NVL: variants seen among roughly 807,000 people sequenced by gnomAD.
The protein encoded by NVL is nuclear valosin-containing protein-like.
Under a neutral mutation model 110.2 loss-of-function variants are expected in NVL, and 84 were observed. The observed-to-expected ratio is 0.76, with a 90% CI of 0.64 to 0.91. The LOEUF (loss-of-function observed/expected upper bound fraction) is 0.91. Among genes scored for constraint, NVL ranks in the 40% least tolerant of loss-of-function variants. NVL has a pLI of 0.00. For missense variants in NVL, 882 were observed against 1,035.9 expected (o/e 0.85, Z 2.04); for synonymous variants, 354 against 361.1 (o/e 0.98, Z 0.22).
intron 19 of NVL, among the ~76,000 whole-genome samples, chr1:224,249,974 G>A (rs1013324849): frequency 3.3e-5 from 5 of 152,024 alleles, no homozygotes; most frequent in African/African-American, 9.7e-5. Flanking sequence ...GGTTCACCTC[G>A]CCCTCCCAAA....
In NVL at chr1:224,284,765, G is replaced by A. The variant is rs964617971; in HGVS notation, c.1899+1261C>T. Among the ~76,000 whole-genome samples the A allele has an allele frequency of 2.0e-5, 3 of 152,116 alleles. No homozygotes were observed. In the East Asian group the frequency reaches 5.8e-4, roughly 29 times the overall value. ...TAAATTGTCCACTATTAAGAGCAAT[G>A]TTCATGGCCATCACTAGTTTAAGGT... is the stretch of plus-strand genomic sequence containing the variant. On this transcript the variant is annotated intron_variant, in intron 15 of 22. Transcript: ENST00000281701.
Position 224,304,777 on chromosome 1 carries a change from C to T in NVL, c.784G>A (p.Val262Met), listed in dbSNP as rs202032588. ...ARGLEFQISN[V>M]KFEDVGGNDM... ...TTGCCTCCCACATCTTCAAACTTCACGTTGGAGATCTGGAATTCTAACCCC... is the reference window on the plus strand; with the variant it reads ...TTGCCTCCCACATCTTCAAACTTCATGTTGGAGATCTGGAATTCTAACCCC... Residue 262 changes from valine to methionine, a missense_variant, in exon 8 of 23, where the codon GTG becomes ATG. This residue lies in a region of NVL where 416 missense variants were observed against 499.3 expected (regional missense o/e 0.83). Coordinates refer to ENST00000281701, the MANE Select transcript of NVL (RefSeq NM_002533.4). 61 of 1,613,976 alleles carry T rather than the reference C, an allele frequency of 3.8e-5. 1 individual carries two copies. In the Admixed American group the frequency reaches 8.0e-4, roughly 21 times the overall value.
intron 16 of NVL, among the ~76,000 whole-genome samples, chr1:224,278,768 T>A (rs1413491412): frequency 6.6e-6 from 1 of 152,202 alleles, no homozygotes; most frequent in Non-Finnish European, 1.5e-5. Context: ...GATGTTGCTC[T>A]GTTGCCTAGG....
intron 10 of NVL, among the ~76,000 whole-genome samples, chr1:224,296,840 C>T (rs903370001): frequency 2.0e-5 from 3 of 152,140 alleles, no homozygotes; most frequent in Non-Finnish European, 4.4e-5. Flanking sequence ...GATAGGGTAA[C>T]ACATTTATAG....
chr1:224,297,508 A>T (rs1278718402), intron 10 of NVL: 3 of 152,276 alleles, frequency 2.0e-5, no homozygotes, highest in Non-Finnish European at 4.4e-5. Context: ...GTCTGGGAAC[A>T]TGAAGACATT....
chr1:224,306,598 G>A (rs936826107), intron 6 of NVL, among the ~76,000 whole-genome samples: 1 of 152,160 alleles, frequency 6.6e-6, no homozygotes, highest in Non-Finnish European at 1.5e-5. Context: ...GATTCAGGCT[G>A]AGGTGGGTGG....
At chr1:224,269,733 T>G in intron 17 of NVL, 1 of 151,714 alleles carries the variant, frequency 6.6e-6, no homozygotes, top group Non-Finnish European at 1.5e-5. Flanking sequence ...TGGGCTTACC[T>G]CATTTCTTTC....
At chr1:224,251,619 G>A (rs1038172307) in intron 18 of NVL, among the ~76,000 whole-genome samples, 12 of 152,114 alleles carry the variant, frequency 7.9e-5, no homozygotes, top group Admixed American at 7.2e-4. Context: ...CAGCCTGGGC[G>A]ACAGAGCAAG....
chr1:224,301,433 G>GA (rs1054453869), intron 9 of NVL, among the ~76,000 whole-genome samples: 2 of 152,082 alleles, frequency 1.3e-5, no homozygotes, highest in African/African-American at 4.8e-5. Flanking sequence ...CTGCTAAGGA[G>GA]AAAATAGCAA....
At position 224,304,641 on chromosome 1, in the gene NVL, C is replaced by T. The variant is rs113679093; in HGVS notation, c.825+95G>A. On this transcript the variant is annotated intron_variant, in intron 8 of 22. Coordinates refer to ENST00000281701, the MANE Select transcript of NVL (RefSeq NM_002533.4). Reference sequence around the variant, plus strand: ...TCAACCTTCCCAGTTTCCTTTTCTACACCCAGATCATATTAGAAACAAAGA... The same window carrying T: ...TCAACCTTCCCAGTTTCCTTTTCTATACCCAGATCATATTAGAAACAAAGA... 3,121 of 1,079,262 alleles carry T rather than the reference C, an allele frequency of 2.9e-3. 58 individuals carry two copies. The African/African-American group carries it at 0.043, about 15-fold the overall frequency. 66.9% of individuals were successfully genotyped at this position (1,079,262 alleles called of 1,614,324 possible).
At chr1:224,300,865 G>A (rs889886633) in intron 9 of NVL, among the ~76,000 whole-genome samples, 1 of 152,084 alleles carries the variant, frequency 6.6e-6, no homozygotes, top group African/African-American at 2.4e-5. Flanking sequence ...ACTACTTTGG[G>A]AGGCTGAGGT....
chr1:224,274,991 T>A (rs1291492091), intron 17 of NVL, among the ~76,000 whole-genome samples: 2 of 152,206 alleles, frequency 1.3e-5, no homozygotes, highest in African/African-American at 4.8e-5. Context: ...TTAAACTGTA[T>A]GTTTTCCTGT....
intron 18 of NVL, among the ~76,000 whole-genome samples, chr1:224,252,807 G>A (rs1662654122): frequency 6.6e-6 from 1 of 152,118 alleles, no homozygotes; most frequent in Non-Finnish European, 1.5e-5. Context: ...GAATCCCTTT[G>A]CACTCTTAAA....
At chr1:224,266,822 C>T (rs905716737) in intron 18 of NVL, among the ~76,000 whole-genome samples, 3 of 152,182 alleles carry the variant, frequency 2.0e-5, no homozygotes, top group African/African-American at 4.8e-5. Context: ...TAAATAGCTA[C>T]GTGCTGTTTA....
intron 17 of NVL, among the ~76,000 whole-genome samples, chr1:224,274,227 G>A (rs932067441): frequency 2.0e-5 from 3 of 150,786 alleles, no homozygotes; most frequent in Admixed American, 6.6e-5. Flanking sequence ...GGTGGCAGAG[G>A]TTGCAGTGAG....
chr1:224,260,595 C>G (rs904408311), intron 18 of NVL, among the ~76,000 whole-genome samples: 3 of 152,120 alleles, frequency 2.0e-5, no homozygotes, highest in Admixed American at 6.6e-5. Context: ...TGGGCAGAGC[C>G]TCTAACTAGA....
chr1:224,321,768 A>C (rs1233726717), intron 2 of NVL, among the ~76,000 whole-genome samples: 1 of 151,726 alleles, frequency 6.6e-6, no homozygotes, highest in Non-Finnish European at 1.5e-5. Flanking sequence ...AAAAAAAAAA[A>C]AAAACTGAAA....
chr1:224,275,431 G>A lies in NVL; in HGVS notation c.1990C>T (p.Arg664Ter), dbSNP rs760493438. ...MYVGESERAV[R>*]QVFQRAKNSA... ...TTCTTGGCTCGTTGAAAAACTTGTCGCACAGCACGTTCACTCTCACCAACA... is the reference window on the plus strand; with the variant it reads ...TTCTTGGCTCGTTGAAAAACTTGTCACACAGCACGTTCACTCTCACCAACA... Residue 664 changes from arginine (R) to a stop codon, truncating the protein, a stop_gained, in exon 17 of 23, where the codon CGA (arginine) becomes TGA (stop). Transcript: ENST00000281701. LOFTEE classifies it high-confidence loss of function. 5.0e-6 allele frequency: 8 copies of A among 1,613,994 alleles called. No homozygotes were observed. Among genetic ancestry groups the A allele is most frequent in the South Asian group, 3.3e-5 (3 of 91,070 alleles).
At chr1:224,251,838 AT>A (rs1253964500) in intron 18 of NVL, among the ~76,000 whole-genome samples, 1 of 152,026 alleles carries the variant, frequency 6.6e-6, no homozygotes, top group Non-Finnish European at 1.5e-5. Flanking sequence ...CATTCCTCTG[AT>A]TACGTCAACC....
Sources: allele counts gnomAD v4.1 joint callset (sites outside exome capture counted in the v4.1 genomes callset), GRCh38; gene constraint gnomAD v4.1.1; regional missense constraint gnomAD v4.1.1; transcripts MANE v1.5; gene names NCBI Gene and HGNC (gene_info 2026-07-23, HGNC 2026-07-21).